Variants in DDX60 observed in about 807,000 individuals in gnomAD.
DDX60 encodes DExD/H-box helicase 60, also known as probable ATP-dependent RNA helicase DDX60.
DDX60 carries 165 observed loss-of-function variants against 212.8 expected under a neutral mutation model. That is an observed-to-expected ratio of 0.78 (90% CI 0.68 to 0.88). The LOEUF is 0.88. Among genes scored for constraint, DDX60 ranks in the 40% least tolerant of loss-of-function variants. DDX60 has a pLI of 0.00. For missense variants in DDX60, 1,905 were observed against 2,003.9 expected (o/e 0.95, Z 0.94); for synonymous variants, 703 against 685.3 (o/e 1.03, Z -0.40).
rs576368663 is a variant in DDX60 at position 168,239,916 on chromosome 4, A to G, written c.4165-2121T>C. On this transcript the variant is annotated intron_variant, in intron 30 of 37. Coordinates refer to ENST00000393743, the MANE Select transcript of DDX60 (RefSeq NM_017631.6). ...AAAAAAAAAAAGTTGTTTTGAAAAA[A>G]TACTTATATGCCCTCTCTCACCACT... is the stretch of plus-strand genomic sequence containing the variant. 3.2e-3 allele frequency among the ~76,000 whole-genome samples: 483 copies of G among 152,300 alleles called. 1 individual carries two copies. Among genetic ancestry groups the G allele is most frequent in the African/African-American group, 0.011 (450 of 41,552 alleles).
chr4:168,284,958 T>G (rs1169715235), intron 11 of DDX60, 23 bp from the exon 12 acceptor site: 1 of 1,220,624 alleles, frequency 8.2e-7, no homozygotes, highest in Non-Finnish European at 1.2e-6. Context: ...AAAAGGCATA[T>G]TTTAAATTGC....
chr4:168,317,483 G>A (rs529997964), intron 1 of DDX60, among the ~76,000 whole-genome samples: 15 of 152,114 alleles, frequency 9.9e-5, no homozygotes, highest in Admixed American at 1.3e-4. Context: ...AAAAATGGGG[G>A]CAAGGGAAGG....
chr4:168,226,901 G>T (rs986697732), intron 33 of DDX60, among the ~76,000 whole-genome samples: 1 of 151,980 alleles, frequency 6.6e-6, no homozygotes, highest in East Asian at 1.9e-4. Context: ...GCTGGGGGAC[G>T]GAGAAGTGAA....
At chr4:168,246,102 T>C (rs1734011385) in intron 30 of DDX60, among the ~76,000 whole-genome samples, 1 of 152,174 alleles carries the variant, frequency 6.6e-6, no homozygotes, top group African/African-American at 2.4e-5. Context: ...AAGGAGTCTA[T>C]TAGTCACCTA....
In DDX60 at chr4:168,262,778, A is replaced by G; in HGVS notation, c.3049T>C (p.Tyr1017His). The G allele has an allele frequency of 6.2e-7, 1 of 1,602,474 alleles. No individual in the cohort carries two copies. Among genetic ancestry groups the G allele is most frequent in the Non-Finnish European group, 8.5e-7 (1 of 1,173,024 alleles). The change falls in exon 23 of 38, where the codon TAT (tyrosine) becomes CAT (histidine). Residue 1017 changes from tyrosine to histidine, a missense_variant. Coordinates refer to ENST00000393743, the MANE Select transcript of DDX60 (RefSeq NM_017631.6). ...AGGGTAAGATCAGGAGGGAATCCAT[A>G]CCTTTCAATCTGTTTAAAATAAAAT... ...AALTTDHIER[Y>H]GFPPDLTLSP...
At chr4:168,293,660 T>C in intron 7 of DDX60, 127 bp downstream of exon 7, 1 of 849,758 alleles carries the variant, frequency 1.2e-6, no homozygotes, top group Non-Finnish European at 1.8e-6. Context: ...TCAGTTTTAT[T>C]TTCTGAAGTT....
chr4:168,227,700 G>A (rs767550541), intron 33 of DDX60, among the ~76,000 whole-genome samples: 2 of 151,740 alleles, frequency 1.3e-5, no homozygotes, highest in African/African-American at 2.4e-5. Flanking sequence ...TGGTTTTAAG[G>A]CTGCAAATTC....
chr4:168,237,246 G>T, intron 32 of DDX60, 40 bp downstream of exon 32: 2 of 1,303,782 alleles, frequency 1.5e-6, no homozygotes, highest in South Asian at 5.1e-5. Context: ...GCTATTTTTG[G>T]ACTCTCTCTC....
intron 1 of DDX60, among the ~76,000 whole-genome samples, chr4:168,315,933 T>C (rs1486908751): frequency 1.3e-5 from 2 of 152,184 alleles, no homozygotes; most frequent in African/African-American, 4.8e-5. Flanking sequence ...ATCCTTTGGG[T>C]ATATACCCAG....
In DDX60 at chr4:168,280,438, A is replaced by C; in HGVS notation, c.1875T>G (p.Asp625Glu). The part of the protein sequence containing the change: ...NLHSGIKSLE[D>E]FLKSCKSSCV... ...AGCTACTTTTACAGGATTTCAAAAA[A>C]TCTTCCAGGCTCTTTATTCCAGAGT... The change falls in exon 14 of 38, where the codon GAT becomes GAG. Residue 625 changes from aspartate (D) to glutamate (E), a missense_variant. By Grantham distance (45) the Asp-to-Glu change is conservative. Transcript: ENST00000393743. 3.7e-6 allele frequency: 6 copies of C among 1,614,200 alleles called. No homozygotes were observed. Among genetic ancestry groups the C allele is most frequent in the Non-Finnish European group, 5.1e-6 (6 of 1,180,018 alleles).
At chr4:168,313,456 T>A (rs1279016696) in intron 1 of DDX60, among the ~76,000 whole-genome samples, 3 of 152,018 alleles carry the variant, frequency 2.0e-5, no homozygotes, top group African/African-American at 7.2e-5. Context: ...GGTCAGGAGA[T>A]TAGGTATTTT....
intron 30 of DDX60, among the ~76,000 whole-genome samples, chr4:168,240,022 AG>A (rs1489836359): frequency 1.3e-5 from 2 of 152,216 alleles, no homozygotes; most frequent in African/African-American, 4.8e-5. Context: ...AGAGGAAGAG[AG>A]GAACTCAAAT....
chr4:168,322,185 G>A (rs144063543), upstream of DDX60, among the ~76,000 whole-genome samples: 352 of 152,258 alleles, frequency 2.3e-3, no homozygotes, highest in African/African-American at 8.1e-3. Flanking sequence ...AAGATAGTTT[G>A]TACAGCCCCT....
At chr4:168,324,305 C>G in the DDX60 span, among the ~76,000 whole-genome samples, 1 of 152,084 alleles carries the variant, frequency 6.6e-6, no homozygotes, top group Non-Finnish European at 1.5e-5. Flanking sequence ...CAATGGTGTA[C>G]AGTACAGGGC....
At chr4:168,227,747 T>G (rs974897791) in intron 33 of DDX60, among the ~76,000 whole-genome samples, 1 of 152,102 alleles carries the variant, frequency 6.6e-6, no homozygotes, top group Non-Finnish European at 1.5e-5. Context: ...CTTATAAGCA[T>G]TCTTATGTTT....
At chr4:168,250,456 CAAAA>C (rs1425762237) in intron 28 of DDX60, among the ~76,000 whole-genome samples, 1 of 149,196 alleles carries the variant, frequency 6.7e-6, no homozygotes, top group African/African-American at 2.5e-5. Flanking sequence ...AACAAACAAA[CAAAA>C]AGAGATAAAC....
rs183936440 is a variant in DDX60, at chr4:168,241,557, C to T, written c.4165-3762G>A. Among the ~76,000 whole-genome samples the T allele has an allele frequency of 2.8e-3, 430 of 152,232 alleles. 1 individual carries two copies. Among genetic ancestry groups the T allele is most frequent in the Non-Finnish European group, 4.7e-3 (321 of 68,014 alleles). ...CTTTCGTTATGTTTTAGCAAAAAGA[C>T]GGGCAGCATTTTGCCTCTGCCTGAG... On this transcript the variant is annotated intron_variant, in intron 30 of 37. Transcript: ENST00000393743.
In DDX60 at chr4:168,260,852, T is replaced by C; in HGVS notation, c.3398+13A>G. ...CAATTACAAGCAAAACCAAATTAAA[T>C]TAAATAACTTACAAAAAAAATAGTG... On this transcript the variant is annotated intron_variant, in intron 25 of 37. Transcript: ENST00000393743. 8 of 1,595,020 alleles carry C rather than the reference T, an allele frequency of 5.0e-6. No homozygotes were observed. The highest frequency in any genetic ancestry group is 6.0e-6 in the Non-Finnish European group (7 of 1,167,824).
At chr4:168,294,019 G>A in intron 6 of DDX60, 74 bp from the exon 7 acceptor site, 4 of 1,354,698 alleles carry the variant, frequency 3.0e-6, no homozygotes, top group Non-Finnish European at 4.1e-6. Flanking sequence ...TCTTACTAGT[G>A]GGTACTACTA....
Sources: allele counts gnomAD v4.1 joint callset (sites outside exome capture counted in the v4.1 genomes callset), GRCh38; gene constraint gnomAD v4.1.1; transcripts MANE v1.5; gene names NCBI Gene and HGNC (gene_info 2026-07-23, HGNC 2026-07-21).